COPA: variants seen among roughly 807,000 people sequenced by gnomAD.
COPA encodes the protein coatomer subunit alpha.
Under a neutral mutation model 158.7 loss-of-function variants are expected in COPA, and 10 were observed. The ratio of observed to expected loss-of-function variants is 0.06; its 90% CI spans 0.04 to 0.11. The LOEUF (loss-of-function observed/expected upper bound fraction) is 0.11. Among genes scored for constraint, COPA ranks in the 10% least tolerant of loss-of-function variants. COPA has a pLI of 1.00. For missense variants in COPA, 1,065 were observed against 1,536.7 expected (o/e 0.69, Z 5.13); for synonymous variants, 462 against 542.8 (o/e 0.85, Z 2.07).
chr1:160,317,897 C>T (rs1407105535), intron 8 of COPA, among the ~76,000 whole-genome samples: 1 of 152,062 alleles, frequency 6.6e-6, no homozygotes, highest in Non-Finnish European at 1.5e-5. Flanking sequence ...GTGATCAAGC[C>T]TCAGTCCCCT....
chr1:160,310,289 AG>A, intron 11 of COPA, 31 bp from the exon 12 acceptor site: 1 of 1,408,578 alleles, frequency 7.1e-7, no homozygotes, highest in Middle Eastern at 1.8e-4. Flanking sequence ...AGGAGAAAAC[AG>A]GGAAGAGGCA....
intron 10 of COPA, among the ~76,000 whole-genome samples, chr1:160,312,858 A>G (rs1659009911): frequency 6.6e-6 from 1 of 152,184 alleles, no homozygotes; most frequent in Non-Finnish European, 1.5e-5. Flanking sequence ...ATCTGTCTCT[A>G]TCTGCCTTAC....
rs1246366204 is a variant in COPA at position 160,290,121 on chromosome 1, A to G, written c.*36T>C. 5 of 1,601,372 alleles carry G rather than the reference A, an allele frequency of 3.1e-6. No individual in the cohort carries two copies. The highest frequency in any genetic ancestry group is 2.2e-5 in the South Asian group (2 of 90,718). On this transcript the variant is annotated 3_prime_UTR_variant, in exon 33 of 33. Coordinates refer to ENST00000241704, the MANE Select transcript of COPA (RefSeq NM_004371.4). Reference sequence around the variant, plus strand: ...GATATAGACACATTCTCTGGGGGGAACATATGGTGACTGACCCATGCACAC... The same window carrying G: ...GATATAGACACATTCTCTGGGGGGAGCATATGGTGACTGACCCATGCACAC...
intron 8 of COPA, 40 bp from the exon 9 acceptor site, chr1:160,314,165 T>G (rs572190120): frequency 1.9e-6 from 3 of 1,582,710 alleles, no homozygotes; most frequent in South Asian, 2.3e-5. Flanking sequence ...AATTCCCTAC[T>G]ACTATAACTT....
chr1:160,292,386 C>G lies in COPA; in HGVS notation c.2960+98G>C, dbSNP rs1010499714. ...CAAAGATCTTTTTCTACTGGGAAACCCTAGCTCTGAGAGAATTCTGACTAT... is the reference window on the plus strand; with the variant it reads ...CAAAGATCTTTTTCTACTGGGAAACGCTAGCTCTGAGAGAATTCTGACTAT... On this transcript the variant is annotated intron_variant, in intron 28 of 32. Coordinates refer to ENST00000241704, the MANE Select transcript of COPA (RefSeq NM_004371.4). The G allele has an allele frequency of 1.9e-6, 3 of 1,597,138 alleles. 1 individual carries two copies. The East Asian group carries it at 6.7e-5, about 36-fold the overall frequency.
At position 160,334,376 on chromosome 1, in the gene COPA, G is replaced by A. The variant is rs4656899; in HGVS notation, c.310-697C>T. Among the ~76,000 whole-genome samples, 970 of 152,130 alleles carry A rather than the reference G, an allele frequency of 6.4e-3. 22 individuals carry two copies. In the East Asian group the frequency reaches 0.092, roughly 14 times the overall value. ...AAAATGAAAGAAAATAAGGTCTTTC[G>A]TAACTTTCCAGGTAGATGGCAACTT... On this transcript the variant is annotated intron_variant, in intron 4 of 32. Coordinates refer to ENST00000241704, the MANE Select transcript of COPA (RefSeq NM_004371.4).
intron 20 of COPA, 33 bp downstream of exon 20, chr1:160,297,523 C>T: frequency 6.2e-7 from 1 of 1,612,758 alleles, no homozygotes; most frequent in Non-Finnish European, 8.5e-7. Flanking sequence ...CCCCCAAGAA[C>T]CCCTCTTCCC....
At chr1:160,305,244 A>T in intron 17 of COPA, 189 bp downstream of exon 17, 1 of 536,286 alleles carries the variant, frequency 1.9e-6, no homozygotes, top group South Asian at 2.9e-5. Flanking sequence ...GTAATTGTCT[A>T]TATTTGTTTT....
chr1:160,333,695 G>A lies in COPA; in HGVS notation c.310-16C>T. ...AGGGATATTCCTGAAAGATATTCCA[G>A]ACAAAGGCTTTAAACATTAAACAAA... On this transcript the variant is annotated splice_polypyrimidine_tract_variant and intron_variant, in intron 4 of 32. Transcript: ENST00000241704. The A allele has an allele frequency of 6.3e-7, 1 of 1,598,610 alleles. No individual in the cohort carries two copies. The highest frequency in any genetic ancestry group is 8.6e-7 in the Non-Finnish European group (1 of 1,166,906).
chr1:160,323,229 T>C (rs777312502), intron 8 of COPA, among the ~76,000 whole-genome samples: 7 of 152,098 alleles, frequency 4.6e-5, no homozygotes, highest in Non-Finnish European at 1.0e-4. Context: ...AGAATATAAA[T>C]ATATTTATTA....
chr1:160,297,531 C>T, intron 20 of COPA, 25 bp downstream of exon 20: 1 of 1,612,996 alleles, frequency 6.2e-7, no homozygotes, highest in Middle Eastern at 1.7e-4. Context: ...AACCCCTCTT[C>T]CCATCCTTAG....
chr1:160,310,127 A>G (rs1658918434), intron 12 of COPA, 65 bp downstream of exon 12: 1 of 989,798 alleles, frequency 1.0e-6, no homozygotes, highest in East Asian at 2.7e-5. Flanking sequence ...AAGATTCCCT[A>G]AGGGCATAAG....
At position 160,313,069 on chromosome 1, in the gene COPA, A is replaced by G. The variant is rs1298181831; in HGVS notation, c.925+16T>C. 1.2e-6 allele frequency: 2 copies of G among 1,607,596 alleles called. No homozygotes were observed. Among genetic ancestry groups the G allele is most frequent in the East Asian group, 2.2e-5 (1 of 44,840 alleles). Reference sequence around the variant, plus strand: ...TTTGAATTAAGCAAAGAAAAAAGAGAGAAAATGGCCCTTACCTGCTGCAAA... The same window carrying G: ...TTTGAATTAAGCAAAGAAAAAAGAGGGAAAATGGCCCTTACCTGCTGCAAA... On this transcript the variant is annotated intron_variant, in intron 10 of 32. Coordinates refer to ENST00000241704, the MANE Select transcript of COPA (RefSeq NM_004371.4).
At position 160,339,969 on chromosome 1, in the gene COPA, G is replaced by T. The variant is rs1200230063; in HGVS notation, c.168C>A (p.Gly56=). 1.2e-6 allele frequency: 2 copies of T among 1,614,092 alleles called. No homozygotes were observed. The highest frequency in any genetic ancestry group is 2.2e-5 in the East Asian group (1 of 44,880). ...KFDEHDGPVR[G]IDFHKQQPLF... ...GTGGCTGCTGCTTATGGAAGTCAATGCCTCGCACTGGACCTGGTGGAGAAG... is the reference window on the plus strand; with the variant it reads ...GTGGCTGCTGCTTATGGAAGTCAATTCCTCGCACTGGACCTGGTGGAGAAG... Residue 56 remains glycine (G), a synonymous_variant, in exon 3 of 33, where the codon GGC becomes GGA. Coordinates refer to ENST00000241704, the MANE Select transcript of COPA (RefSeq NM_004371.4).
intron 19 of COPA, 100 bp from the exon 20 acceptor site, chr1:160,297,845 A>C (rs990561708): frequency 1.6e-6 from 2 of 1,237,252 alleles, no homozygotes; most frequent in Non-Finnish European, 2.2e-6. Flanking sequence ...TTCCTGAAGA[A>C]CTTCCTATAC....
In COPA at chr1:160,289,863, T is replaced by G; in HGVS notation, c.*294A>C. The G allele has an allele frequency of 3.8e-6, 1 of 262,062 alleles. No individual in the cohort carries two copies. The highest frequency in any genetic ancestry group is 7.1e-5 in the South Asian group (1 of 14,044). The allele number at this position is 262,062 out of a possible 1,614,324, so 16.2% of individuals were successfully genotyped here. A position where few individuals can be genotyped will look rare whatever the true frequency, so the allele number is the denominator to read the frequency against. On this transcript the variant is annotated 3_prime_UTR_variant, in exon 33 of 33. Coordinates refer to ENST00000241704, the MANE Select transcript of COPA (RefSeq NM_004371.4). Reference sequence around the variant, plus strand: ...ACCGTAGCCTCCCAAAGTGCTGGGATTACAGGTATGAGCCACTCCACCCAG... The same window carrying G: ...ACCGTAGCCTCCCAAAGTGCTGGGAGTACAGGTATGAGCCACTCCACCCAG...
chr1:160,290,144 C>T lies in COPA; in HGVS notation c.*13G>A. On this transcript the variant is annotated 3_prime_UTR_variant, in exon 33 of 33. Transcript: ENST00000241704. ...GAACATATGGTGACTGACCCATGCA[C>T]ACAAAGGGGGCCTTAGCGAAACTGC... is the stretch of plus-strand genomic sequence containing the variant. 6.2e-7 allele frequency: 1 copy of T among 1,613,792 alleles called. No individual in the cohort carries two copies. The highest frequency in any genetic ancestry group is 2.2e-5 in the East Asian group (1 of 44,890).
intron 4 of COPA, among the ~76,000 whole-genome samples, chr1:160,334,161 G>T (rs1412900244): frequency 6.6e-6 from 1 of 152,110 alleles, no homozygotes; most frequent in African/African-American, 2.4e-5. Flanking sequence ...AGCCTTTTTG[G>T]AGTCTATAAG....
At position 160,323,659 on chromosome 1, in the gene COPA, G is replaced by A. The variant is rs74125587; in HGVS notation, c.607-129C>T. The A allele has an allele frequency of 4.5e-3, 2,430 of 538,104 alleles. 54 individuals carry two copies. Among genetic ancestry groups the A allele is most frequent in the African/African-American group, 0.041 (2,105 of 50,980 alleles). The allele number at this position is 538,104 out of a possible 1,614,324, so 33.3% of individuals were successfully genotyped here. ...CATGTGAACAGATTCAAGAGACTAC[G>A]CTGCTCTAAAATTTTGAGCATCAGA... On this transcript the variant is annotated intron_variant, in intron 7 of 32. Transcript: ENST00000241704.
Sources: allele counts gnomAD v4.1 joint callset (sites outside exome capture counted in the v4.1 genomes callset), GRCh38; gene constraint gnomAD v4.1.1; transcripts MANE v1.5; gene names NCBI Gene and HGNC (gene_info 2026-07-23, HGNC 2026-07-21).